The following ABHD17B variants were observed in gnomAD, a reference collection of about 807,000 sequenced individuals.
The protein encoded by ABHD17B is alpha/beta hydrolase domain-containing protein 17B.
In ABHD17B, 9 loss-of-function variants were observed where a neutral mutation model predicts 26.2. The observed-to-expected ratio is 0.34, with a 90% confidence interval of 0.21 to 0.60. ABHD17B has a LOEUF of 0.60. Ranked by LOEUF, ABHD17B falls within the 20% of genes least tolerant of loss-of-function variation. The probability of loss-of-function intolerance (pLI) is 0.80; values close to 1 mark genes in which losing one functional copy is unlikely to be tolerated. For missense variants in ABHD17B, 224 were observed against 352.1 expected (o/e 0.64, Z 2.91); for synonymous variants, 127 against 122.3 (o/e 1.04, Z -0.25).
At chr9:71,878,802 G>C (rs886434968) in intron 1 of ABHD17B, among the ~76,000 whole-genome samples, 3 of 152,008 alleles carry the variant, frequency 2.0e-5, no homozygotes, top group African/African-American at 7.2e-5. Flanking sequence ...ACAAAAACTC[G>C]TAAGACTTAA....
chr9:71,898,671 G>A (rs1827037028), intron 1 of ABHD17B, among the ~76,000 whole-genome samples: 4 of 151,590 alleles, frequency 2.6e-5, no homozygotes, highest in Non-Finnish European at 5.9e-5. Flanking sequence ...ACACACATGG[G>A]AAAGGGCGGG....
chr9:71,876,721 A>G (rs550325258), intron 1 of ABHD17B, among the ~76,000 whole-genome samples: 6 of 150,276 alleles, frequency 4.0e-5, no homozygotes, highest in Non-Finnish European at 7.4e-5. Flanking sequence ...TATCTGGGGG[A>G]AAAAATGCCC....
chr9:71,884,508 C>T (rs1826546185), intron 1 of ABHD17B, among the ~76,000 whole-genome samples: 2 of 151,692 alleles, frequency 1.3e-5, no homozygotes, highest in Admixed American at 1.3e-4. Flanking sequence ...ACGAACAGAT[C>T]TATAATATCA....
chr9:71,863,978 T>A (rs576305414), downstream of ABHD17B, among the ~76,000 whole-genome samples: 2 of 152,296 alleles, frequency 1.3e-5, no homozygotes, highest in Admixed American at 6.5e-5. Flanking sequence ...ACTTTGTGTA[T>A]CATTTTCCCA....
intron 1 of ABHD17B, among the ~76,000 whole-genome samples, chr9:71,904,154 T>C (rs1343995807): frequency 1.3e-5 from 2 of 152,230 alleles, no homozygotes; most frequent in Non-Finnish European, 2.9e-5. Flanking sequence ...CCTCTCTATG[T>C]TTTCTTTTAT....
rs1395348662 is a variant in ABHD17B at position 71,910,891 on chromosome 9, G to A, written c.-261C>T. On this transcript the variant is annotated 5_prime_UTR_variant, in exon 1 of 4. Coordinates refer to ENST00000333421, the MANE Select transcript of ABHD17B (RefSeq NM_001025780.3). ...GCGCCGGCCCTGCTCCTCCACAAGA[G>A]CTCGCGTTCTGCTGACTAACGGCCC... The A allele has an allele frequency of 2.0e-5, 3 of 152,098 alleles. No homozygotes were observed. The highest frequency in any genetic ancestry group is 6.5e-5 in the Admixed American group (1 of 15,272). 9.4% of individuals were successfully genotyped at this position (152,098 alleles called of 1,614,324 possible).
chr9:71,876,920 T>A (rs1826294751), intron 1 of ABHD17B, among the ~76,000 whole-genome samples: 1 of 152,196 alleles, frequency 6.6e-6, no homozygotes, highest in Admixed American at 6.5e-5. Flanking sequence ...CCTACCTTTA[T>A]TTCTTTTTAG....
At chr9:71,898,662 C>T (rs1051651362) in intron 1 of ABHD17B, among the ~76,000 whole-genome samples, 1 of 151,426 alleles carries the variant, frequency 6.6e-6, no homozygotes, top group African/African-American at 2.4e-5. Flanking sequence ...AAACAAACAA[C>T]ACACATGGGA....
At chr9:71,867,446 T>A (rs915668857) in intron 3 of ABHD17B, among the ~76,000 whole-genome samples, 1 of 152,176 alleles carries the variant, frequency 6.6e-6, no homozygotes, top group African/African-American at 2.4e-5. Context: ...TGTTTGAGGA[T>A]AAAGATACAA....
intron 1 of ABHD17B, among the ~76,000 whole-genome samples, chr9:71,886,510 T>C (rs1014963023): frequency 1.3e-5 from 2 of 152,004 alleles, no homozygotes; most frequent in Non-Finnish European, 1.5e-5. Flanking sequence ...ACATTTTCTA[T>C]CTTATCTGGG....
chr9:71,903,816 A>G (rs1416333868), intron 1 of ABHD17B, among the ~76,000 whole-genome samples: 1 of 152,362 alleles, frequency 6.6e-6, no homozygotes, highest in African/African-American at 2.4e-5. Context: ...AAATGCTATG[A>G]AAATAAAGTA....
In ABHD17B at chr9:71,866,739, T is replaced by C; in HGVS notation, c.*48A>G. 2.5e-6 allele frequency: 4 copies of C among 1,607,322 alleles called. No homozygotes were observed. The highest frequency in any genetic ancestry group is 1.7e-4 in the Middle Eastern group (1 of 6,046). ...AGGTTTTATGTTATTTACCAAAGAG[T>C]GCAGTTCAGCAAGAAAGGAAAACCC... is the stretch of plus-strand genomic sequence containing the variant. On this transcript the variant is annotated 3_prime_UTR_variant, in exon 4 of 4. Coordinates refer to ENST00000333421, the MANE Select transcript of ABHD17B (RefSeq NM_001025780.3).
intron 2 of ABHD17B, among the ~76,000 whole-genome samples, chr9:71,872,932 T>C (rs915823641): frequency 2.6e-5 from 4 of 152,014 alleles, no homozygotes; most frequent in Non-Finnish European, 5.9e-5. Context: ...GAATCCCTTT[T>C]ATGTAGAACT....
downstream of ABHD17B, among the ~76,000 whole-genome samples, chr9:71,863,532 T>G (rs1165242738): frequency 6.6e-6 from 1 of 152,150 alleles, no homozygotes; most frequent in Non-Finnish European, 1.5e-5. Context: ...ATACAAAGTC[T>G]CAAACGACCT....
chr9:71,889,213 A>T (rs913242908), intron 1 of ABHD17B, among the ~76,000 whole-genome samples: 2 of 151,636 alleles, frequency 1.3e-5, no homozygotes, highest in Non-Finnish European at 2.9e-5. Context: ...GCTACTCGGG[A>T]GGCTGAGGCA....
At chr9:71,909,272 C>CA (rs1475766728) in intron 1 of ABHD17B, among the ~76,000 whole-genome samples, 1 of 152,218 alleles carries the variant, frequency 6.6e-6, no homozygotes, top group Non-Finnish European at 1.5e-5. Flanking sequence ...AGGTGCCATT[C>CA]ATTTCCTTCT....
At chr9:71,908,636 C>T (rs1253910874) in intron 1 of ABHD17B, among the ~76,000 whole-genome samples, 2 of 152,140 alleles carry the variant, frequency 1.3e-5, no homozygotes, top group East Asian at 3.8e-4. Context: ...GATCTTAACA[C>T]CAATCTTAAT....
chr9:71,879,182 C>T (rs1402403909), intron 1 of ABHD17B, among the ~76,000 whole-genome samples: 2 of 151,912 alleles, frequency 1.3e-5, no homozygotes, highest in Non-Finnish European at 2.9e-5. Context: ...CAAACAAAAA[C>T]CCCCCAAATC....
downstream of ABHD17B, among the ~76,000 whole-genome samples, chr9:71,862,820 C>T (rs1825863291): frequency 6.6e-6 from 1 of 151,672 alleles, no homozygotes; most frequent in Non-Finnish European, 1.5e-5. Flanking sequence ...GGTCTCATTC[C>T]ATTGGAGTGC....
Sources: allele counts gnomAD v4.1 joint callset (sites outside exome capture counted in the v4.1 genomes callset), GRCh38; gene constraint gnomAD v4.1.1; transcripts MANE v1.5; gene names NCBI Gene and HGNC (gene_info 2026-07-23, HGNC 2026-07-21).